Variants in PPP1R9A observed in about 807,000 individuals in gnomAD.
PPP1R9A encodes the protein protein phosphatase 1 regulatory subunit 9A, also known as neurabin-1.
Under a neutral mutation model 141.9 loss-of-function variants are expected in PPP1R9A, and 59 were observed. The observed-to-expected ratio is 0.42, with a 90% CI of 0.34 to 0.52. The LOEUF is 0.52. PPP1R9A is among the 20% of genes least tolerant of loss of function. The probability of loss-of-function intolerance (pLI) is 0.10; values close to 1 mark genes in which losing one functional copy is unlikely to be tolerated. For synonymous variants in PPP1R9A, 500 were observed against 569.7 expected (o/e 0.88, Z 1.74); for missense variants, 1,444 against 1,611.9 (o/e 0.90, Z 1.78).
rs1806245721 is a variant in PPP1R9A, at chr7:95,290,758, T to G, written c.*455T>G. Reference sequence around the variant, plus strand: ...CTGCCATGAGATCTGAGACCAGTACTTAACTTCTAGGACTGCAACACCTAC... The same window carrying G: ...CTGCCATGAGATCTGAGACCAGTACGTAACTTCTAGGACTGCAACACCTAC... On this transcript the variant is annotated 3_prime_UTR_variant, in exon 20 of 20. Transcript: ENST00000433360. 5.7e-6 allele frequency: 1 copy of G among 175,078 alleles called. No individual in the cohort carries two copies. Among genetic ancestry groups the G allele is most frequent in the African/African-American group, 2.4e-5 (1 of 42,008 alleles). 10.8% of individuals were successfully genotyped at this position (175,078 alleles called of 1,614,324 possible). A position where few individuals can be genotyped will look rare whatever the true frequency, so the allele number is the denominator to read the frequency against.
Position 95,252,030 on chromosome 7 carries a change from C to T in PPP1R9A, c.2565C>T (p.Asn855=). The change falls in exon 12 of 20, where the codon AAC becomes AAT. Residue 855 remains asparagine, a synonymous_variant. Coordinates refer to ENST00000433360, the MANE Select transcript of PPP1R9A (RefSeq NM_001166160.2). ...QNGTQVNNNN[N]IFERRTSLGE... is the part of the protein sequence containing the mutation. ...GGACTCAAGTTAACAATAATAACAACATCTTTGAGAGAAGAACATCTCTTG... is the reference window on the plus strand; with the variant it reads ...GGACTCAAGTTAACAATAATAACAATATCTTTGAGAGAAGAACATCTCTTG... 1 of 1,613,482 alleles carries T rather than the reference C, an allele frequency of 6.2e-7. No individual in the cohort carries two copies. The highest frequency in any genetic ancestry group is 8.5e-7 in the Non-Finnish European group (1 of 1,179,834).
chr7:94,953,755 CTGTT>C (rs1157937472), intron 2 of PPP1R9A, among the ~76,000 whole-genome samples: 5 of 152,152 alleles, frequency 3.3e-5, no homozygotes, highest in East Asian at 1.9e-4. Flanking sequence ...ATTTGGCTCT[CTGTT>C]TGTCTATTAT....
At chr7:95,142,442 A>T (rs1295355468) in intron 4 of PPP1R9A, among the ~76,000 whole-genome samples, 1 of 151,972 alleles carries the variant, frequency 6.6e-6, no homozygotes, top group Non-Finnish European at 1.5e-5. Context: ...GATCATAAAG[A>T]TTTACTCGTT....
intron 7 of PPP1R9A, among the ~76,000 whole-genome samples, chr7:95,214,644 G>A (rs1792896463): frequency 6.6e-6 from 1 of 151,352 alleles, no homozygotes; most frequent in Non-Finnish European, 1.5e-5. Context: ...CACCCAGAAA[G>A]CAAGGTCATT....
At chr7:94,953,934 A>G (rs1796772595) in intron 2 of PPP1R9A, among the ~76,000 whole-genome samples, 1 of 152,084 alleles carries the variant, frequency 6.6e-6, no homozygotes, top group South Asian at 2.1e-4. Flanking sequence ...CTCTCTTCCT[A>G]TTTGAAGACC....
At chr7:95,249,406 C>A (rs559290863) in intron 9 of PPP1R9A, among the ~76,000 whole-genome samples, 137 of 152,204 alleles carry the variant, frequency 9.0e-4, no homozygotes, top group African/African-American at 2.9e-3. Context: ...TCAGATGATT[C>A]TTATGCCCAA....
chr7:95,211,481 G>A (rs1019739239), intron 7 of PPP1R9A, among the ~76,000 whole-genome samples: 3 of 152,142 alleles, frequency 2.0e-5, no homozygotes, highest in Admixed American at 1.3e-4. Context: ...GTTGTTCAAT[G>A]TTGTCTTCTG....
intron 4 of PPP1R9A, among the ~76,000 whole-genome samples, chr7:95,144,374 A>T (rs955869483): frequency 3.3e-5 from 5 of 151,888 alleles, no homozygotes; most frequent in Admixed American, 1.3e-4. Flanking sequence ...GTAAAATCAC[A>T]TTTTCTTTAT....
chr7:95,128,958 C>T (rs867430482), intron 4 of PPP1R9A, among the ~76,000 whole-genome samples: 3 of 152,140 alleles, frequency 2.0e-5, no homozygotes, highest in African/African-American at 4.8e-5. Context: ...CCTAGGTTTT[C>T]GTCTATGATT....
intron 12 of PPP1R9A, among the ~76,000 whole-genome samples, chr7:95,254,540 T>C (rs891111752): frequency 3.9e-5 from 6 of 152,190 alleles, no homozygotes; most frequent in Non-Finnish European, 7.4e-5. Flanking sequence ...GCAAGTGTTA[T>C]CCTCCCGACC....
At chr7:94,973,440 T>C (rs1236628440) in intron 2 of PPP1R9A, among the ~76,000 whole-genome samples, 1 of 152,072 alleles carries the variant, frequency 6.6e-6, no homozygotes, top group Non-Finnish European at 1.5e-5. Context: ...CCTTGAAGAA[T>C]AGATGGATAA....
intron 2 of PPP1R9A, among the ~76,000 whole-genome samples, chr7:95,038,152 G>GA (rs1174289768): frequency 1.3e-5 from 2 of 151,526 alleles, no homozygotes; most frequent in Middle Eastern, 3.2e-3. Context: ...GTTAGAACAA[G>GA]AAAAAACTGG....
Position 95,294,868 on chromosome 7 carries a change from T to A in PPP1R9A, c.*4565T>A, listed in dbSNP as rs1055420798. ...GGCCTATTGAGGGAATGGTAGTTAC[T>A]TGAAGGTTCACATATGTAAGCGTGT... On this transcript the variant is annotated 3_prime_UTR_variant, in exon 20 of 20. Transcript: ENST00000433360. The A allele has an allele frequency of 6.6e-6, 1 of 152,486 alleles. No homozygotes were observed. Among genetic ancestry groups the A allele is most frequent in the African/African-American group, 2.4e-5 (1 of 41,450 alleles). The allele number at this position is 152,486 out of a possible 1,614,324, so 9.4% of individuals were successfully genotyped here.
At chr7:95,214,276 A>G (rs920946600) in intron 7 of PPP1R9A, 1 of 152,136 alleles carries the variant, frequency 6.6e-6, no homozygotes, top group Admixed American at 6.5e-5. Flanking sequence ...TGGTCATCCA[A>G]ATGCTCCACT....
At chr7:95,163,564 C>T (rs919132791) in intron 5 of PPP1R9A, among the ~76,000 whole-genome samples, 1 of 152,112 alleles carries the variant, frequency 6.6e-6, no homozygotes. Context: ...TTGAGCCTCC[C>T]TAATGTGAAA....
rs983721936 is a variant in PPP1R9A at position 95,292,155 on chromosome 7, T to C, written c.*1852T>C. Reference sequence around the variant, plus strand: ...ATTATGTTTTTCTGTCTGTCTTCATTAGGGGTATGATAATGAAACTGCCGT... The same window carrying C: ...ATTATGTTTTTCTGTCTGTCTTCATCAGGGGTATGATAATGAAACTGCCGT... On this transcript the variant is annotated 3_prime_UTR_variant, in exon 20 of 20. Coordinates refer to ENST00000433360, the MANE Select transcript of PPP1R9A (RefSeq NM_001166160.2). 1.3e-5 allele frequency: 2 copies of C among 152,152 alleles called. No individual in the cohort carries two copies. Among genetic ancestry groups the C allele is most frequent in the African/African-American group, 4.8e-5 (2 of 41,442 alleles). 9.4% of individuals were successfully genotyped at this position (152,152 alleles called of 1,614,324 possible).
intron 2 of PPP1R9A, among the ~76,000 whole-genome samples, chr7:95,072,878 TATATA>T (rs1454516531): frequency 6.1e-5 from 7 of 115,408 alleles, no homozygotes; most frequent in African/African-American, 2.0e-4. Flanking sequence ...AATATAATAT[TATATA>T]ATATACCATA....
chr7:95,105,735 T>C (rs918444798), intron 2 of PPP1R9A, among the ~76,000 whole-genome samples: 12 of 152,144 alleles, frequency 7.9e-5, no homozygotes, highest in Non-Finnish European at 1.5e-5. Flanking sequence ...AATAGAACTA[T>C]TGTAAGAAAA....
chr7:95,024,989 C>A (rs1009397251), intron 2 of PPP1R9A, among the ~76,000 whole-genome samples: 1 of 152,108 alleles, frequency 6.6e-6, no homozygotes, highest in African/African-American at 2.4e-5. Flanking sequence ...GAAAATCTCT[C>A]AGCCTTTGCT....
Sources: allele counts gnomAD v4.1 joint callset (sites outside exome capture counted in the v4.1 genomes callset), GRCh38; gene constraint gnomAD v4.1.1; transcripts MANE v1.5; gene names NCBI Gene and HGNC (gene_info 2026-07-23, HGNC 2026-07-21).